CACNA1B: variants seen among roughly 807,000 people sequenced by gnomAD.
CACNA1B encodes the protein calcium voltage-gated channel subunit alpha1 B.
Under a neutral mutation model 247.2 loss-of-function variants are expected in CACNA1B, and 70 were observed. That is an observed-to-expected ratio of 0.28 (90% CI 0.23 to 0.35). The LOEUF (loss-of-function observed/expected upper bound fraction) is 0.35, where lower values mean the gene tolerates loss of function less well. CACNA1B is among the 10% of genes least tolerant of loss of function. The pLI, the probability that CACNA1B is intolerant of heterozygous loss-of-function variation, is 1.00. For missense variants in CACNA1B, 2,367 were observed against 3,197.4 expected, an observed-to-expected ratio of 0.74 and a Z score of 6.26; for synonymous variants, 1,231 against 1,294.4, an observed-to-expected ratio of 0.95 and a Z score of 1.05.
chr9:138,120,638 C>T lies in CACNA1B; in HGVS notation c.6246C>T (p.Ser2082=). Reference sequence around the variant, plus strand: ...CTTCTCTTCCCTGGCCAGCACCAAGCAGTGCTGTGGGGCCGGGGCTGCCCC... The same window carrying T: ...CTTCTCTTCCCTGGCCAGCACCAAGTAGTGCTGTGGGGCCGGGGCTGCCCC... ...SLSADMDGAP[S]SAVGPGLPPG... is the part of the protein sequence containing the mutation. The change falls in exon 46 of 47, where the codon AGC becomes AGT. Residue 2082 remains serine (S), a synonymous_variant. Transcript: ENST00000371372. 1.3e-6 allele frequency: 2 copies of T among 1,499,592 alleles called. No homozygotes were observed. The highest frequency in any genetic ancestry group is 1.8e-6 in the Non-Finnish European group (2 of 1,129,778). 92.9% of individuals were successfully genotyped at this position (1,499,592 alleles called of 1,614,324 possible). A position where few individuals can be genotyped will look rare whatever the true frequency, so the allele number is the denominator to read the frequency against.
chr9:137,900,070 G>T (rs1957215285), intron 3 of CACNA1B, among the ~76,000 whole-genome samples: 1 of 152,174 alleles, frequency 6.6e-6, no homozygotes, highest in Non-Finnish European at 1.5e-5. Context: ...TTTCAGAACT[G>T]GGGGGTCCTG....
intron 3 of CACNA1B, among the ~76,000 whole-genome samples, chr9:137,897,780 C>T (rs1588990071): frequency 6.6e-6 from 1 of 151,690 alleles, no homozygotes; most frequent in South Asian, 2.1e-4. Context: ...CCTGGGTTCA[C>T]ACCATTCTCC....
intron 15 of CACNA1B, among the ~76,000 whole-genome samples, chr9:138,006,001 C>T (rs1226022403): frequency 5.5e-5 from 8 of 145,452 alleles, no homozygotes; most frequent in African/African-American, 1.8e-4. Flanking sequence ...CGAGATTGCA[C>T]CACTGCACTC....
At chr9:138,046,755 CA>C in intron 21 of CACNA1B, 148 bp from the exon 22 acceptor site, 1 of 707,250 alleles carries the variant, frequency 1.4e-6, no homozygotes, top group South Asian at 1.9e-5. Context: ...CCACCAACCA[CA>C]GGGACCATTA....
At chr9:137,988,905 G>A (rs890830130) in intron 15 of CACNA1B, among the ~76,000 whole-genome samples, 15 of 152,166 alleles carry the variant, frequency 9.9e-5, no homozygotes, top group Non-Finnish European at 2.1e-4. Context: ...AGGTGAATCT[G>A]GACCAGGGTC....
At chr9:138,108,268 C>T (rs1961503272) in intron 39 of CACNA1B, among the ~76,000 whole-genome samples, 1 of 137,652 alleles carries the variant, frequency 7.3e-6, no homozygotes, top group African/African-American at 2.8e-5. Flanking sequence ...GTGATGGTGC[C>T]ACTGCACTAT....
intron 6 of CACNA1B, among the ~76,000 whole-genome samples, chr9:137,929,575 TA>T (rs1957587113): frequency 6.6e-6 from 1 of 152,034 alleles, no homozygotes; most frequent in Admixed American, 6.6e-5. Context: ...ATAATAAAAC[TA>T]AAAAATAAGA....
At chr9:138,117,838 C>G (rs957269597) in intron 42 of CACNA1B, 108 bp from the exon 43 acceptor site, 5 of 848,104 alleles carry the variant, frequency 5.9e-6, no homozygotes, top group Non-Finnish European at 7.1e-6. Flanking sequence ...AACCCCCTGA[C>G]CTCTGCTGCA....
At chr9:138,046,501 C>T (rs879388206) in intron 21 of CACNA1B, among the ~76,000 whole-genome samples, 4 of 152,238 alleles carry the variant, frequency 2.6e-5, no homozygotes, top group Non-Finnish European at 5.9e-5. Flanking sequence ...CAGCTGACCT[C>T]TTCTGTGAAA....
At chr9:137,960,037 A>ACGTCCCT (rs1320032101) in intron 10 of CACNA1B, among the ~76,000 whole-genome samples, 1 of 150,354 alleles carries the variant, frequency 6.7e-6, no homozygotes, top group Non-Finnish European at 1.5e-5. Flanking sequence ...GGAAGTGAGG[A>ACGTCCCT]CGCCTGAGGG....
chr9:138,118,724 C>T lies in CACNA1B; in HGVS notation c.5986C>T (p.Gln1996Ter). The T allele has an allele frequency of 6.4e-7, 1 of 1,555,756 alleles. No homozygotes were observed. The highest frequency in any genetic ancestry group is 8.7e-7 in the Non-Finnish European group (1 of 1,149,676). The part of the protein sequence containing the change: ...DGEPQPGLES[Q>*]GRAASMPRLA... ...GGAGCCCCAGCCTGGGCTGGAGAGC[C>T]AGGGTCGAGCGGCCTCCATGCCCCG... Residue 1996 changes from glutamine to a stop codon, truncating the protein, a stop_gained, in exon 44 of 47, where the codon CAG (glutamine) becomes TAG (stop). Transcript: ENST00000371372. LOFTEE classifies it high-confidence loss of function.
intron 36 of CACNA1B, among the ~76,000 whole-genome samples, chr9:138,094,587 A>G (rs1589124849): frequency 1.3e-5 from 2 of 152,136 alleles, no homozygotes; most frequent in African/African-American, 4.8e-5. Flanking sequence ...AAGAAAAGAA[A>G]ACTGCAGACT....
At chr9:137,977,633 A>C (rs1275930802) in intron 12 of CACNA1B, among the ~76,000 whole-genome samples, 1 of 152,096 alleles carries the variant, frequency 6.6e-6, no homozygotes, top group African/African-American at 2.4e-5. Flanking sequence ...GAGCCTAGGG[A>C]TATGGCACTG....
At chr9:138,030,982 T>G (rs535753107) in intron 20 of CACNA1B, among the ~76,000 whole-genome samples, 1 of 152,296 alleles carries the variant, frequency 6.6e-6, no homozygotes, top group South Asian at 2.1e-4. Flanking sequence ...TTTATTGATG[T>G]TTTCAAAGAA....
chr9:137,938,534 A>G (rs530988638), intron 6 of CACNA1B, among the ~76,000 whole-genome samples: 19 of 152,284 alleles, frequency 1.2e-4, no homozygotes, highest in Non-Finnish European at 1.6e-4. Context: ...CATAAGACTC[A>G]TAAACTTAAG....
chr9:137,954,551 G>A lies in CACNA1B; in HGVS notation c.1071-1147G>A, dbSNP rs1957921497. On this transcript the variant is annotated intron_variant, in intron 7 of 46. Transcript: ENST00000371372. The surrounding 1 kb of genome is among the most constrained non-coding windows in gnomAD (Gnocchi z 4.1). ...CTCTCAGATCAGTTCAAGCAGTGAT[G>A]TCCTTGCCCTTCCCCTGCCCCCCAG... Among the ~76,000 whole-genome samples the A allele has an allele frequency of 6.6e-6, 1 of 152,158 alleles. No individual in the cohort carries two copies. Among genetic ancestry groups the A allele is most frequent in the Non-Finnish European group, 1.5e-5 (1 of 68,020 alleles).
intron 3 of CACNA1B, among the ~76,000 whole-genome samples, chr9:137,895,436 G>C (rs992418623): frequency 1.3e-5 from 2 of 152,138 alleles, no homozygotes; most frequent in African/African-American, 4.8e-5. Flanking sequence ...CTGTATGTTA[G>C]TTTATGAACA....
Position 137,984,935 on chromosome 9 carries a change from A to AAG in CACNA1B, c.1769+697_1769+698dup, listed in dbSNP as rs201081187. Among the ~76,000 whole-genome samples the AAG allele has an allele frequency of 7.9e-3, 1,202 of 152,246 alleles. 6 individuals carry two copies. Among genetic ancestry groups the AAG allele is most frequent in the South Asian group, 0.013 (62 of 4,830 alleles). On this transcript the variant is annotated intron_variant, in intron 13 of 46. Transcript: ENST00000371372. ...CCTCACTGCCAGAGTTGTAGTGGGG[A>AAG]AGAGAGAGAGAGACTCTCCTCACAG...
Position 137,950,421 on chromosome 9 carries a change from G to T in CACNA1B, c.967-1853G>T, listed in dbSNP as rs1203004579. Among the ~76,000 whole-genome samples, 1 of 152,242 alleles carries T rather than the reference G, an allele frequency of 6.6e-6. No homozygotes were observed. The highest frequency in any genetic ancestry group is 6.5e-5 in the Admixed American group (1 of 15,286). On this transcript the variant is annotated intron_variant, in intron 6 of 46. Transcript: ENST00000371372. This position sits in a 1 kb window ranked among gnomAD's most constrained non-coding sequence, Gnocchi z 4.8. The stretch of plus-strand genomic sequence containing the variant: ...CCGTGTGGTCTTCACTAGTACCGCG[G>T]AGGTGGGCTTGGGCTGGGGGGCCGT...
Sources: allele counts gnomAD v4.1 joint callset (sites outside exome capture counted in the v4.1 genomes callset), GRCh38; gene constraint gnomAD v4.1.1; non-coding constraint Gnocchi (gnomAD v3.1); transcripts MANE v1.5; gene names NCBI Gene and HGNC (gene_info 2026-07-23, HGNC 2026-07-21).